Variants in TMIE observed in about 807,000 individuals in gnomAD.
TMIE encodes transmembrane inner ear.
TMIE carries 14 observed loss-of-function variants against 16.8 expected under a neutral mutation model. The observed-to-expected ratio is 0.83, with a 90% CI of 0.55 to 1.30. The LOEUF (loss-of-function observed/expected upper bound fraction) is 1.30, where lower values mean the gene tolerates loss of function less well. Ranked by LOEUF, TMIE falls within the 50% of genes most tolerant of loss-of-function variation. The pLI, the probability that TMIE is intolerant of heterozygous loss-of-function variation, is 0.00. For missense variants in TMIE, 204 were observed against 205.9 expected, an observed-to-expected ratio of 0.99 and a Z score of 0.06; for synonymous variants, 75 against 87.2, an observed-to-expected ratio of 0.86 and a Z score of 0.78.
At chr3:46,695,257 G>A (rs542990748) in intron 1 of TMIE, among the ~76,000 whole-genome samples, 2 of 152,350 alleles carry the variant, frequency 1.3e-5, no homozygotes, top group African/African-American at 4.8e-5. Flanking sequence ...CTTCCCTGTG[G>A]GGATCCTTTG....
chr3:46,709,227 A>G lies in TMIE; in HGVS notation c.313A>G (p.Lys105Glu). ...AAAGGCAGCCAAGATGTACACAGAC[A>G]AGCTGGAGACTGTGCCACCCCTCAA... The part of the protein sequence containing the change: ...QRKAAKMYTD[K>E]LETVPPLNEL... Residue 105 changes from lysine (K) to glutamate (E), a missense_variant, in exon 3 of 4, where the codon AAG becomes GAG. Lys to Glu is a moderately conservative substitution (Grantham distance 56). Coordinates refer to ENST00000643606, the MANE Select transcript of TMIE (RefSeq NM_147196.3). 6.8e-6 allele frequency: 11 copies of G among 1,614,136 alleles called. No individual in the cohort carries two copies. Among genetic ancestry groups the G allele is most frequent in the Non-Finnish European group, 8.5e-6 (10 of 1,180,028 alleles).
At position 46,710,012 on chromosome 3, in the gene TMIE, G is replaced by C; in HGVS notation, c.*324G>C. ...GCCTGTCTCCCACCCTTTCTGCCAG[G>C]GATGGCAGTGGCTGTGAAGGAGTAA... is the stretch of plus-strand genomic sequence containing the variant. On this transcript the variant is annotated 3_prime_UTR_variant, in exon 4 of 4. Coordinates refer to ENST00000643606, the MANE Select transcript of TMIE (RefSeq NM_147196.3). 2.4e-6 allele frequency: 1 copy of C among 423,146 alleles called. No homozygotes were observed. The highest frequency in any genetic ancestry group is 4.4e-6 in the Non-Finnish European group (1 of 225,358). 26.2% of individuals were successfully genotyped at this position (423,146 alleles called of 1,614,324 possible).
chr3:46,701,264 G>A (rs2106775043), upstream of TMIE: 1 of 435,402 alleles, frequency 2.3e-6, no homozygotes, highest in Admixed American at 4.6e-5. The surrounding 1 kb of genome is among the most constrained non-coding windows in gnomAD (Gnocchi z 4.3). Context: ...GGGGCAGGGA[G>A]GGGGAGCCTG....
rs370518410 is a variant in TMIE at position 46,709,141 on chromosome 3, G to A, written c.227G>A (p.Cys76Tyr). 4.0e-5 allele frequency: 65 copies of A among 1,613,986 alleles called. No individual in the cohort carries two copies. Among genetic ancestry groups the A allele is most frequent in the Non-Finnish European group, 5.1e-5 (60 of 1,180,046 alleles). Residue 76 changes from cysteine (C) to tyrosine (Y), a missense_variant, in exon 3 of 4, where the codon TGT becomes TAT. Coordinates refer to ENST00000643606, the MANE Select transcript of TMIE (RefSeq NM_147196.3). ...CTCCCTACAGTCATCACGCTGTGCTGTGTCTTCAACTGTCGTGTGCCACGG... is the reference window on the plus strand; with the variant it reads ...CTCCCTACAGTCATCACGCTGTGCTATGTCTTCAACTGTCGTGTGCCACGG... ...FVLSIIITLC[C>Y]VFNCRVPRTR...
upstream of TMIE, chr3:46,694,440 C>T: frequency 6.6e-6 from 1 of 152,500 alleles, no homozygotes; most frequent in Non-Finnish European, 1.5e-5. Flanking sequence ...CCCCTCTGGC[C>T]ACCAGGTTAG....
In TMIE at chr3:46,709,662, G is replaced by A; in HGVS notation, c.445G>A (p.Ala149Thr). ...IKVEEDEKNE[A>T]KKKKGEK ...AGTAGAGGAGGATGAGAAGAATGAG[G>A]CCAAGAAGAAGAAAGGAGAGAAATG... The change falls in exon 4 of 4, where the codon GCC (alanine) becomes ACC (threonine). Residue 149 changes from alanine to threonine, a missense_variant. Physicochemically the swap from Ala to Thr is moderately conservative, Grantham distance 58. Transcript: ENST00000643606. 1 of 1,613,940 alleles carries A rather than the reference G, an allele frequency of 6.2e-7. No individual in the cohort carries two copies. The highest frequency in any genetic ancestry group is 2.2e-5 in the East Asian group (1 of 44,866).
chr3:46,701,564 C>T lies in TMIE; in HGVS notation c.77C>T (p.Ala26Val), dbSNP rs1007337458. The T allele has an allele frequency of 7.5e-5, 96 of 1,284,486 alleles. No individual in the cohort carries two copies. Among genetic ancestry groups the T allele is most frequent in the Non-Finnish European group, 9.1e-5 (93 of 1,018,668 alleles). The allele number at this position is 1,284,486 out of a possible 1,614,324, so 79.6% of individuals were successfully genotyped here. Residue 26 changes from alanine to valine, a missense_variant, in exon 1 of 4, where the codon GCC (alanine) becomes GTC (valine). Coordinates refer to ENST00000643606, the MANE Select transcript of TMIE (RefSeq NM_147196.3). This position sits in a 1 kb window ranked among gnomAD's most constrained non-coding sequence, Gnocchi z 4.3. ...AALGVCLAGV[A>V]GQLVEPSTAP... ...CTCGGGGTGTGCCTCGCGGGGGTTG[C>T]CGGGCAGCTGGTGGAGGTGAGGCCG...
intron 2 of TMIE, among the ~76,000 whole-genome samples, chr3:46,707,600 C>T (rs1048060264): frequency 6.6e-6 from 1 of 152,182 alleles, no homozygotes; most frequent in Non-Finnish European, 1.5e-5. Context: ...TCCTCCAGCC[C>T]CAGGGACTTA....
At chr3:46,695,963 A>T (rs770732559) in intron 1 of TMIE, among the ~76,000 whole-genome samples, 81 of 152,200 alleles carry the variant, frequency 5.3e-4, no homozygotes, top group Non-Finnish European at 6.6e-4. Flanking sequence ...GCTTGGGGCC[A>T]GGTAAGGCCT....
At position 46,701,396 on chromosome 3, in the gene TMIE, G is replaced by A; in HGVS notation, c.-92G>A. The A allele has an allele frequency of 9.3e-7, 1 of 1,072,260 alleles. No individual in the cohort carries two copies. The highest frequency in any genetic ancestry group is 3.1e-5 in the Admixed American group (1 of 32,104). 66.4% of individuals were successfully genotyped at this position (1,072,260 alleles called of 1,614,324 possible). ...TGCTCGCTGACTACCCGTGGCCAAA[G>A]CCCGTGGCCACCGAGCGCCGGCTGG... On this transcript the variant is annotated 5_prime_UTR_variant, in exon 1 of 4. Transcript: ENST00000643606. This position sits in a 1 kb window ranked among gnomAD's most constrained non-coding sequence, Gnocchi z 4.3.
At position 46,703,312 on chromosome 3, in the gene TMIE, T is replaced by G. The variant is rs530821912; in HGVS notation, c.93+1732T>G. Among the ~76,000 whole-genome samples, 10 of 151,916 alleles carry G rather than the reference T, an allele frequency of 6.6e-5. No individual in the cohort carries two copies. In the South Asian group the frequency reaches 1.7e-3, roughly 25 times the overall value. ...CACCCAAGACCCCTATCAGTAAGAGTAGGCCCAGCTCCACCCACATCAGGG... is the reference window on the plus strand; with the variant it reads ...CACCCAAGACCCCTATCAGTAAGAGGAGGCCCAGCTCCACCCACATCAGGG... On this transcript the variant is annotated intron_variant, in intron 1 of 3. Coordinates refer to ENST00000643606, the MANE Select transcript of TMIE (RefSeq NM_147196.3).
chr3:46,701,022 G>T (rs1438685873), upstream of TMIE, among the ~76,000 whole-genome samples: 2 of 150,872 alleles, frequency 1.3e-5, no homozygotes, highest in East Asian at 3.9e-4. This position sits in a 1 kb window ranked among gnomAD's most constrained non-coding sequence, Gnocchi z 4.3. Flanking sequence ...ATGGCAACCT[G>T]CCCGCTCTGC....
chr3:46,694,179 C>G (rs1170200708), upstream of TMIE, among the ~76,000 whole-genome samples: 1 of 152,184 alleles, frequency 6.6e-6, no homozygotes, highest in Non-Finnish European at 1.5e-5. Flanking sequence ...CTGAGGCGCC[C>G]TGCGGCCCCC....
At chr3:46,697,040 C>A (rs1575466504), upstream of TMIE, among the ~76,000 whole-genome samples, 1 of 152,084 alleles carries the variant, frequency 6.6e-6, no homozygotes, top group East Asian at 1.9e-4. Context: ...TCCTGTGTGA[C>A]CTTAGGCAGG....
At chr3:46,706,683 G>A (rs1053911442) in intron 2 of TMIE, among the ~76,000 whole-genome samples, 12 of 152,206 alleles carry the variant, frequency 7.9e-5, no homozygotes, top group African/African-American at 2.9e-4. Context: ...CTGAGGAGGA[G>A]GGTCCTCTGA....
upstream of TMIE, among the ~76,000 whole-genome samples, chr3:46,694,108 A>T (rs982881041): frequency 2.0e-5 from 3 of 152,144 alleles, no homozygotes; most frequent in Admixed American, 1.3e-4. Context: ...TGAGTCACAG[A>T]AGCCAGCACA....
At chr3:46,709,488 T>G (rs1700593428) in intron 3 of TMIE, 91 bp from the exon 4 acceptor site, 2 of 1,613,000 alleles carry the variant, frequency 1.2e-6, no homozygotes, top group African/African-American at 2.7e-5. Context: ...AGGCAGAGTG[T>G]AGGAGGTTCT....
At chr3:46,702,142 C>T (rs545328397) in intron 1 of TMIE, among the ~76,000 whole-genome samples, 6 of 152,222 alleles carry the variant, frequency 3.9e-5, no homozygotes. Flanking sequence ...AGACCCTTTA[C>T]AGAGAAGCTA....
chr3:46,708,092 C>T (rs1700575500), intron 2 of TMIE, among the ~76,000 whole-genome samples: 2 of 152,230 alleles, frequency 1.3e-5, no homozygotes, highest in African/African-American at 4.8e-5. Context: ...TAGTCCAGTC[C>T]TGTTCCCAAC....
Sources: allele counts gnomAD v4.1 joint callset (sites outside exome capture counted in the v4.1 genomes callset), GRCh38; gene constraint gnomAD v4.1.1; non-coding constraint Gnocchi (gnomAD v3.1); transcripts MANE v1.5; gene names NCBI Gene and HGNC (gene_info 2026-07-23, HGNC 2026-07-21).